The following CNTNAP4 variants were observed in gnomAD, a reference collection of about 807,000 sequenced individuals.
The protein encoded by CNTNAP4 is contactin associated protein family member 4.
CNTNAP4 carries 98 observed loss-of-function variants against 148.4 expected under a neutral mutation model. The observed-to-expected ratio is 0.66, with a 90% CI of 0.56 to 0.78. The LOEUF is 0.78. Ranked by LOEUF, CNTNAP4 falls within the 30% of genes least tolerant of loss-of-function variation. CNTNAP4 has a pLI of 0.00. For missense variants in CNTNAP4, 1,935 were observed against 1,565.6 expected (o/e 1.24, Z -3.98); for synonymous variants, 730 against 565.1 (o/e 1.29, Z -4.14).
At chr16:76,458,051 G>C (rs2080803222) in intron 8 of CNTNAP4, among the ~76,000 whole-genome samples, 1 of 152,056 alleles carries the variant, frequency 6.6e-6, no homozygotes, top group Non-Finnish European at 1.5e-5. Flanking sequence ...TGCTGTATTT[G>C]GTTTTCTGTT....
intron 2 of CNTNAP4, among the ~76,000 whole-genome samples, chr16:76,354,987 A>G (rs1014249988): frequency 2.0e-5 from 3 of 152,218 alleles, no homozygotes; most frequent in Non-Finnish European, 4.4e-5. Context: ...GCACACCATT[A>G]CATGTGTGCA....
At chr16:76,476,890 A>G (rs2081605789) in intron 11 of CNTNAP4, among the ~76,000 whole-genome samples, 1 of 152,084 alleles carries the variant, frequency 6.6e-6, no homozygotes, top group South Asian at 2.1e-4. Flanking sequence ...TTATCTTGCA[A>G]CCCTATTTAA....
At chr16:76,406,041 C>T (rs1317360337) in intron 3 of CNTNAP4, among the ~76,000 whole-genome samples, 5 of 151,904 alleles carry the variant, frequency 3.3e-5, no homozygotes, top group Non-Finnish European at 7.4e-5. Flanking sequence ...CATGGTGAAA[C>T]TATGTCTGTA....
intron 21 of CNTNAP4, among the ~76,000 whole-genome samples, chr16:76,544,323 C>T (rs1597121349): frequency 6.6e-6 from 1 of 152,110 alleles, no homozygotes; most frequent in African/African-American, 2.4e-5. Context: ...TATCTCCCCT[C>T]TCTTGAATTT....
chr16:76,287,714 G>A (rs982237537), intron 1 of CNTNAP4: 10 of 152,332 alleles, frequency 6.6e-5, no homozygotes, highest in Admixed American at 3.3e-4. Flanking sequence ...TAAGGCAGCT[G>A]TTCCCTCTTC....
chr16:76,411,708 T>C (rs193221917), intron 3 of CNTNAP4, among the ~76,000 whole-genome samples: 20 of 151,586 alleles, frequency 1.3e-4, no homozygotes, highest in Admixed American at 3.3e-4. Flanking sequence ...GATAAATACA[T>C]GCAAAATTTA....
intron 17 of CNTNAP4, among the ~76,000 whole-genome samples, chr16:76,532,095 GC>G (rs2084008569): frequency 6.6e-6 from 1 of 152,078 alleles, no homozygotes; most frequent in Non-Finnish European, 1.5e-5. Flanking sequence ...TATTACTAGA[GC>G]TTTTTGTCAG....
At chr16:76,409,225 A>G (rs2078707411) in intron 3 of CNTNAP4, among the ~76,000 whole-genome samples, 1 of 151,930 alleles carries the variant, frequency 6.6e-6, no homozygotes, top group African/African-American at 2.4e-5. Flanking sequence ...TAATTTTTTT[A>G]ATCTTTAGGG....
chr16:76,401,100 T>C (rs79079792), intron 3 of CNTNAP4, among the ~76,000 whole-genome samples: 6,292 of 152,238 alleles, frequency 0.041, 459 homozygotes, highest in African/African-American at 0.15. Flanking sequence ...TTGATAACAA[T>C]AGTATTGAAT....
intron 9 of CNTNAP4, among the ~76,000 whole-genome samples, chr16:76,462,646 G>C (rs2081020950): frequency 6.6e-6 from 1 of 152,132 alleles, no homozygotes; most frequent in African/African-American, 2.4e-5. Flanking sequence ...CTCCCTTAGA[G>C]AACAAAAGCA....
intron 1 of CNTNAP4, among the ~76,000 whole-genome samples, chr16:76,311,985 T>C (rs146254780): frequency 3.3e-5 from 5 of 152,342 alleles, no homozygotes; most frequent in African/African-American, 1.2e-4. Context: ...AATGCCTGTA[T>C]ACTCACGTGC....
chr16:76,393,376 A>G (rs1955707894), intron 3 of CNTNAP4, among the ~76,000 whole-genome samples: 2 of 152,182 alleles, frequency 1.3e-5, no homozygotes, highest in African/African-American at 4.8e-5. Flanking sequence ...TTACACTTGT[A>G]TTTACCCCAG....
Position 76,355,443 on chromosome 16 carries a change from A to C in CNTNAP4, c.322A>C (p.Ser108Arg), listed in dbSNP as rs143795961. 59 of 1,613,340 alleles carry C rather than the reference A, an allele frequency of 3.7e-5. No individual in the cohort carries two copies. The highest frequency in any genetic ancestry group is 4.8e-5 in the Non-Finnish European group (57 of 1,179,686). The part of the protein sequence containing the change: ...GGYGSSNWVT[S>R]YLLMFSDSGW... ...ATATGGTAGCTCCAACTGGGTGACCAGCTACCTCCTGATGTTCAGTGATAG... is the reference window on the plus strand; with the variant it reads ...ATATGGTAGCTCCAACTGGGTGACCCGCTACCTCCTGATGTTCAGTGATAG... The change falls in exon 3 of 24, where the codon AGC (serine) becomes CGC (arginine). Residue 108 changes from serine (S) to arginine (R), a missense_variant. Ser to Arg is a moderately radical substitution (Grantham distance 110). Transcript: ENST00000611870.
intron 3 of CNTNAP4, among the ~76,000 whole-genome samples, chr16:76,409,837 A>C (rs888789737): frequency 6.6e-6 from 1 of 151,904 alleles, no homozygotes; most frequent in Non-Finnish European, 1.5e-5. Context: ...TGAGATTCAG[A>C]GATTAATAAA....
At chr16:76,424,880 C>T (rs749562702) in intron 3 of CNTNAP4, among the ~76,000 whole-genome samples, 23 of 152,198 alleles carry the variant, frequency 1.5e-4, no homozygotes, top group Admixed American at 2.0e-4. Context: ...AGTCTAAGTT[C>T]GGGAAACATT....
chr16:76,431,549 C>T (rs2079605446), intron 4 of CNTNAP4, among the ~76,000 whole-genome samples: 1 of 152,256 alleles, frequency 6.6e-6, no homozygotes, highest in Non-Finnish European at 1.5e-5. Flanking sequence ...CGTGGCAGCG[C>T]ACGCCTGTAA....
At chr16:76,496,093 G>GTGTGTGTGTGTA (rs1360315129) in intron 14 of CNTNAP4, among the ~76,000 whole-genome samples, 1 of 149,296 alleles carries the variant, frequency 6.7e-6, no homozygotes, top group African/African-American at 2.4e-5. Context: ...TGTTGTGTGT[G>GTGTGTGTGTGTA]TGTGTGTGTG....
chr16:76,418,070 T>C lies in CNTNAP4; in HGVS notation c.391-9382T>C, dbSNP rs2079049592. 1.3e-4 allele frequency among the ~76,000 whole-genome samples: 19 copies of C among 145,406 alleles called. No homozygotes were observed. The Admixed American group carries it at 1.3e-3, about 10-fold the overall frequency. On this transcript the variant is annotated intron_variant, in intron 3 of 23. Coordinates refer to ENST00000611870, the MANE Select transcript of CNTNAP4 (RefSeq NM_033401.5). ...GGTTTACTGTAATTTGCATCTGATATGACTCAGAATAGTTTTTATTTTGGT... is the reference window on the plus strand; with the variant it reads ...GGTTTACTGTAATTTGCATCTGATACGACTCAGAATAGTTTTTATTTTGGT...
At chr16:76,486,735 G>A (rs1231331308) in intron 12 of CNTNAP4, among the ~76,000 whole-genome samples, 1 of 152,172 alleles carries the variant, frequency 6.6e-6, no homozygotes, top group African/African-American at 2.4e-5. Flanking sequence ...GAAAATTTGT[G>A]ACATTCCAGA....
Sources: gnomAD v4.1 joint callset for allele counts (sites outside exome capture counted in the v4.1 genomes callset) on GRCh38, gnomAD v4.1.1 for gene constraint, MANE v1.5 for transcripts, NCBI Gene and HGNC (gene_info 2026-07-23, HGNC 2026-07-21) for gene names.